The following TEFM variants were observed in gnomAD, a reference collection of about 807,000 sequenced individuals.
TEFM encodes transcription elongation factor of mitochondria.
Under a neutral mutation model 23.0 loss-of-function variants are expected in TEFM, and 14 were observed. The observed-to-expected ratio is 0.61, with a 90% CI of 0.40 to 0.95. The LOEUF (loss-of-function observed/expected upper bound fraction) is 0.95, where lower values mean the gene tolerates loss of function less well. Among genes scored for constraint, TEFM ranks in the 40% least tolerant of loss-of-function variants. The pLI is 0.00. For missense variants in TEFM, 386 were observed against 425.5 expected, an observed-to-expected ratio of 0.91 and a Z score of 0.82; for synonymous variants, 155 against 158.3, an observed-to-expected ratio of 0.98 and a Z score of 0.16.
At chr17:30,900,219 A>T (rs1295830315) in intron 3 of TEFM, 194 bp downstream of exon 3, 2 of 493,890 alleles carry the variant, frequency 4.0e-6, no homozygotes, top group East Asian at 5.9e-5. Context: ...TCGATGCATA[A>T]GGCATTTCTT....
At chr17:30,900,756 C>T (rs1329514116) in intron 2 of TEFM, among the ~76,000 whole-genome samples, 194 bp from the exon 3 acceptor site, 1 of 149,200 alleles carries the variant, frequency 6.7e-6, no homozygotes, top group East Asian at 1.9e-4. Flanking sequence ...CGCCCGCCAC[C>T]ACGCCCGGCT....
chr17:30,903,155 A>AAAC (rs1910080829), intron 2 of TEFM, among the ~76,000 whole-genome samples: 1 of 151,460 alleles, frequency 6.6e-6, no homozygotes, highest in Non-Finnish European at 1.5e-5. Context: ...AAAAAAAAAA[A>AAAC]AAATTGGCTG....
rs763116480 is a variant in TEFM at position 30,900,576 on chromosome 17, C to T, written c.496-14G>A. On this transcript the variant is annotated splice_polypyrimidine_tract_variant and intron_variant, in intron 2 of 3. Transcript: ENST00000581216. The stretch of plus-strand genomic sequence containing the variant: ...ACTATTAACTGCCTAAAAGAAAAGA[C>T]TGATTTAATTAGAAGTATAAACATT... The T allele has an allele frequency of 6.2e-7, 1 of 1,605,322 alleles. No homozygotes were observed. The highest frequency in any genetic ancestry group is 2.2e-5 in the East Asian group (1 of 44,806).
intron 2 of TEFM, among the ~76,000 whole-genome samples, 189 bp from the exon 3 acceptor site, chr17:30,900,751 G>A (rs1018591421): frequency 1.3e-5 from 2 of 150,388 alleles, no homozygotes; most frequent in African/African-American, 2.4e-5. Flanking sequence ...ACAGGCGCCC[G>A]CCACCACGCC....
At chr17:30,904,626 T>C in intron 1 of TEFM, 97 bp from the exon 2 acceptor site, 2 of 794,308 alleles carry the variant, frequency 2.5e-6, no homozygotes, top group Non-Finnish European at 2.0e-6. Flanking sequence ...CACAAATACT[T>C]TCCTGGAATT....
In TEFM at chr17:30,899,148, T is replaced by C. The variant is rs1003938916; in HGVS notation, c.*21A>G. On this transcript the variant is annotated 3_prime_UTR_variant, in exon 4 of 4. Coordinates refer to ENST00000581216, the MANE Select transcript of TEFM (RefSeq NM_024683.4). ...TACGTTAGAGCTAATAATTATACTT[T>C]AGCACGTTAACCTCAGAATTCTAAG... The C allele has an allele frequency of 4.5e-6, 7 of 1,542,134 alleles. No homozygotes were observed. Among genetic ancestry groups the C allele is most frequent in the Admixed American group, 4.0e-5 (2 of 50,248 alleles).
rs750302225 is a variant in TEFM, at chr17:30,904,123, C to T, written c.438G>A (p.Pro146=). The T allele has an allele frequency of 5.6e-6, 9 of 1,613,918 alleles. No individual in the cohort carries two copies. Among genetic ancestry groups the T allele is most frequent in the African/African-American group, 2.7e-5 (2 of 74,908 alleles). ...GGAGCTTTCTCAGGAACCGGTTTTC[C>T]GGTGACTTTCTTTTTTCCCGTCCAG... ...PKTGREKRKS[P]ENRFLRKLLK... is the part of the protein sequence containing the mutation. Residue 146 remains proline (P), a synonymous_variant, in exon 2 of 4, where the codon CCG becomes CCA. Coordinates refer to ENST00000581216, the MANE Select transcript of TEFM (RefSeq NM_024683.4).
In TEFM at chr17:30,899,336, C is replaced by T. The variant is rs750607332; in HGVS notation, c.916G>A (p.Asp306Asn). 9 of 1,614,084 alleles carry T rather than the reference C, an allele frequency of 5.6e-6. No individual in the cohort carries two copies. The highest frequency in any genetic ancestry group is 2.7e-5 in the African/African-American group (2 of 74,918). The stretch of plus-strand genomic sequence containing the variant: ...CGAGGATCCGCCTTCAGTATAGAAT[C>T]GAAGAGAAACTGCTTCACTAGCTCT... The part of the protein sequence containing the change: ...GKELVKQFLF[D>N]SILKADPRVF... The change falls in exon 4 of 4, where the codon GAT becomes AAT. Residue 306 changes from aspartate to asparagine, a missense_variant. Asp to Asn is a conservative substitution (Grantham distance 23). Transcript: ENST00000581216.
chr17:30,900,895 C>T (rs974105893), intron 2 of TEFM, among the ~76,000 whole-genome samples: 19 of 152,054 alleles, frequency 1.2e-4, no homozygotes, highest in African/African-American at 4.1e-4. Flanking sequence ...CATGAGCCAC[C>T]GTGCCTGGCC....
Position 30,906,223 on chromosome 17 carries a change from G to C in TEFM, c.-25C>G. The C allele has an allele frequency of 1.2e-6, 2 of 1,614,262 alleles. No individual in the cohort carries two copies. Among genetic ancestry groups the C allele is most frequent in the Non-Finnish European group, 1.7e-6 (2 of 1,180,046 alleles). On this transcript the variant is annotated 5_prime_UTR_variant, in exon 1 of 4. Transcript: ENST00000581216. ...TCTCCAAGTTGAATCAGTAGGTCCA[G>C]TCTTCCTCCATTGACTTCCGGTTCC...
In TEFM at chr17:30,900,406, G is replaced by A. The variant is rs933846510; in HGVS notation, c.645+7C>T. 2.5e-6 allele frequency: 4 copies of A among 1,613,800 alleles called. No individual in the cohort carries two copies. Among genetic ancestry groups the A allele is most frequent in the East Asian group, 2.2e-5 (1 of 44,872 alleles). On this transcript the variant is annotated splice_region_variant and intron_variant, in intron 3 of 3. Coordinates refer to ENST00000581216, the MANE Select transcript of TEFM (RefSeq NM_024683.4). ...CAGGTAGGAATCTGGAGGTGCAACT[G>A]CCTTACCTCTTCTAAATAGACTGAT...
At position 30,904,425 on chromosome 17, in the gene TEFM, T is replaced by C; in HGVS notation, c.136A>G (p.Asn46Asp). 1 of 1,614,136 alleles carries C rather than the reference T, an allele frequency of 6.2e-7. No individual in the cohort carries two copies. The highest frequency in any genetic ancestry group is 8.5e-7 in the Non-Finnish European group (1 of 1,180,014). Residue 46 changes from asparagine (N) to aspartate (D), a missense_variant, in exon 2 of 4, where the codon AAT becomes GAT. Physicochemically the swap from Asn to Asp is conservative, Grantham distance 23. Coordinates refer to ENST00000581216, the MANE Select transcript of TEFM (RefSeq NM_024683.4). ...KSTTPKKITP[N>D]VTFCDENAKE... is the part of the protein sequence containing the mutation. ...GCATTTTCATCACAAAAAGTAACATTGGGAGTAATTTTCTTAGGTGTAGTG... is the reference window on the plus strand; with the variant it reads ...GCATTTTCATCACAAAAAGTAACATCGGGAGTAATTTTCTTAGGTGTAGTG...
intron 1 of TEFM, among the ~76,000 whole-genome samples, chr17:30,905,045 G>A (rs1474916001): frequency 2.6e-5 from 4 of 152,062 alleles, no homozygotes; most frequent in African/African-American, 9.7e-5. Flanking sequence ...TAGAGCTTTT[G>A]TTGTTTTCAA....
rs200737050 is a variant in TEFM, at chr17:30,903,227, G to GTTTTT, written c.495+838_495+839insAAAAA. ...TAGAAAAAGAATTGCTTTTAGAATG[G>GTTTTT]TGTTTTTTTTTTTTTTTTGAGACAG... On this transcript the variant is annotated intron_variant, in intron 2 of 3. Coordinates refer to ENST00000581216, the MANE Select transcript of TEFM (RefSeq NM_024683.4). 2.9e-4 allele frequency among the ~76,000 whole-genome samples: 41 copies of GTTTTT among 140,330 alleles called. 1 individual carries two copies. Among genetic ancestry groups the GTTTTT allele is most frequent in the South Asian group, 7.6e-4 (3 of 3,948 alleles). The allele number at this position is 140,330 out of a possible 152,430, so 92.1% of individuals were successfully genotyped here.
Position 30,900,396 on chromosome 17 carries a change from A to G in TEFM, c.645+17T>C. On this transcript the variant is annotated intron_variant, in intron 3 of 3. Coordinates refer to ENST00000581216, the MANE Select transcript of TEFM (RefSeq NM_024683.4). ...GGAGCTCTAGCAGGTAGGAATCTGG[A>G]GGTGCAACTGCCTTACCTCTTCTAA... 1 of 1,612,406 alleles carries G rather than the reference A, an allele frequency of 6.2e-7. No homozygotes were observed. The highest frequency in any genetic ancestry group is 8.5e-7 in the Non-Finnish European group (1 of 1,178,834).
intron 2 of TEFM, among the ~76,000 whole-genome samples, chr17:30,903,227 G>GTTT (rs200737050): frequency 0.072 from 10,096 of 139,724 alleles, 553 homozygotes; most frequent in South Asian, 0.17. Flanking sequence ...TTTTAGAATG[G>GTTT]TGTTTTTTTT....
rs1219718307 is a variant in TEFM at position 30,900,538 on chromosome 17, C to T, written c.520G>A (p.Val174Ile). 4.3e-6 allele frequency: 7 copies of T among 1,613,934 alleles called. No homozygotes were observed. Among genetic ancestry groups the T allele is most frequent in the East Asian group, 2.2e-5 (1 of 44,890 alleles). ...CAGGCAATTCTTCGAGTACCAAAAA[C>T]GATAGATATGATACTATTAACTGCC... Reference protein sequence around the residue: ...LKAVNSIISIVFGTRRIAWAH... With the variant: ...LKAVNSIISIIFGTRRIAWAH... The change falls in exon 3 of 4, where the codon GTT (valine) becomes ATT (isoleucine). Residue 174 changes from valine (V) to isoleucine (I), a missense_variant. Physicochemically the swap from Val to Ile is conservative, Grantham distance 29 (BLOSUM62 3). Transcript: ENST00000581216.
chr17:30,906,067 CCA>C (rs1250331259), intron 1 of TEFM, 99 bp downstream of exon 1: 1 of 1,363,526 alleles, frequency 7.3e-7, no homozygotes, highest in African/African-American at 1.5e-5. Flanking sequence ...GGAAATCACC[CCA>C]GTGTTCCAAG....
rs1004145509 is a variant in TEFM, at chr17:30,900,543, G to T, written c.515C>A (p.Ser172Tyr). The T allele has an allele frequency of 8.7e-6, 14 of 1,613,580 alleles. No homozygotes were observed. The highest frequency in any genetic ancestry group is 1.2e-5 in the Non-Finnish European group (14 of 1,179,808). The change falls in exon 3 of 4, where the codon TCT (serine) becomes TAT (tyrosine). Residue 172 changes from serine to tyrosine, a missense_variant. By Grantham distance (144) the Ser-to-Tyr change is moderately radical. Coordinates refer to ENST00000581216, the MANE Select transcript of TEFM (RefSeq NM_024683.4). Reference sequence around the variant, plus strand: ...AATTCTTCGAGTACCAAAAACGATAGATATGATACTATTAACTGCCTAAAA... The same window carrying T: ...AATTCTTCGAGTACCAAAAACGATATATATGATACTATTAACTGCCTAAAA... ...ERLKAVNSII[S>Y]IVFGTRRIAW...
Sources: gnomAD v4.1 joint callset for allele counts (sites outside exome capture counted in the v4.1 genomes callset) on GRCh38, gnomAD v4.1.1 for gene constraint, MANE v1.5 for transcripts, NCBI Gene and HGNC (gene_info 2026-07-23, HGNC 2026-07-21) for gene names.